Variants in ST8SIA1 observed in about 807,000 individuals in gnomAD.
The protein encoded by ST8SIA1 is alpha-N-acetylneuraminide alpha-2,8-sialyltransferase.
Under a neutral mutation model 35.9 loss-of-function variants are expected in ST8SIA1, and 16 were observed. The observed-to-expected ratio is 0.45, with a 90% CI of 0.30 to 0.68. The LOEUF (loss-of-function observed/expected upper bound fraction) is 0.68. Among genes scored for constraint, ST8SIA1 ranks in the 30% least tolerant of loss-of-function variants. The pLI, the probability that ST8SIA1 is intolerant of heterozygous loss-of-function variation, is 0.09. For missense variants in ST8SIA1, 383 were observed against 453.6 expected (o/e 0.84, Z 1.41); for synonymous variants, 170 against 169.6 (o/e 1.00, Z -0.02).
chr12:22,329,204 C>T (rs938442406), intron 1 of ST8SIA1, among the ~76,000 whole-genome samples: 9 of 152,098 alleles, frequency 5.9e-5, no homozygotes, highest in Non-Finnish European at 1.3e-4. Context: ...CCCAAATGAG[C>T]AGGGAACAAG....
intron 4 of ST8SIA1, among the ~76,000 whole-genome samples, chr12:22,238,693 T>C (rs1189846867): frequency 2.6e-5 from 4 of 152,216 alleles, no homozygotes; most frequent in Non-Finnish European, 4.4e-5. Context: ...TCCTAACTTA[T>C]GCAATGTCAT....
chr12:22,276,328 T>A (rs1005418663), intron 2 of ST8SIA1, among the ~76,000 whole-genome samples: 6 of 152,222 alleles, frequency 3.9e-5, no homozygotes. Flanking sequence ...TAACTAACTG[T>A]GTGAACACTC....
At chr12:22,274,881 C>T (rs1487804716) in intron 2 of ST8SIA1, among the ~76,000 whole-genome samples, 6 of 152,154 alleles carry the variant, frequency 3.9e-5, no homozygotes, top group Non-Finnish European at 8.8e-5. Context: ...CTATGTGCTG[C>T]CTTCAAAGGG....
At chr12:22,289,340 A>G (rs1866146808) in intron 1 of ST8SIA1, among the ~76,000 whole-genome samples, 1 of 152,146 alleles carries the variant, frequency 6.6e-6, no homozygotes, top group Admixed American at 6.5e-5. Context: ...CTGAGGAAAC[A>G]GGCTTAGAGC....
intron 1 of ST8SIA1, among the ~76,000 whole-genome samples, chr12:22,306,059 A>G (rs1355782735): frequency 6.6e-6 from 1 of 152,148 alleles, no homozygotes; most frequent in Non-Finnish European, 1.5e-5. Context: ...AGCAAGATGG[A>G]ATCAGTTAGG....
At chr12:22,320,853 GAAGAAAAA>G (rs1231229836) in intron 1 of ST8SIA1, among the ~76,000 whole-genome samples, 1 of 135,246 alleles carries the variant, frequency 7.4e-6, no homozygotes, top group Non-Finnish European at 1.6e-5. Flanking sequence ...AAGAGAGAGA[GAAGAAAAA>G]AAGAAAGAAA....
chr12:22,249,955 T>C (rs1865651010), intron 3 of ST8SIA1, among the ~76,000 whole-genome samples: 1 of 149,704 alleles, frequency 6.7e-6, no homozygotes. Context: ...ATGTCTGACT[T>C]GTGTGTGTGT....
At chr12:22,288,198 C>T (rs1055223642) in intron 1 of ST8SIA1, among the ~76,000 whole-genome samples, 2 of 152,198 alleles carry the variant, frequency 1.3e-5, no homozygotes, top group Non-Finnish European at 2.9e-5. Flanking sequence ...ACCACTTCCT[C>T]CTCTAGGAAG....
At chr12:22,216,321 C>A (rs1380586119) in intron 4 of ST8SIA1, among the ~76,000 whole-genome samples, 3 of 152,152 alleles carry the variant, frequency 2.0e-5, no homozygotes, top group African/African-American at 7.2e-5. Context: ...GATATAATCC[C>A]TGCCTACACC....
chr12:22,275,375 T>A (rs1013499298), intron 2 of ST8SIA1, among the ~76,000 whole-genome samples: 2 of 152,090 alleles, frequency 1.3e-5, no homozygotes, highest in African/African-American at 4.8e-5. Flanking sequence ...GCCAACATGG[T>A]GAAACCCCAT....
chr12:22,285,289 T>C (rs910632013), intron 2 of ST8SIA1, among the ~76,000 whole-genome samples: 2 of 152,242 alleles, frequency 1.3e-5, no homozygotes, highest in Non-Finnish European at 2.9e-5. Context: ...CAATGCCAAG[T>C]TGGGGCTTCC....
rs150065303 is a variant in ST8SIA1, at chr12:22,232,673, G to A, written c.584+16333C>T. 7.8e-4 allele frequency among the ~76,000 whole-genome samples: 118 copies of A among 152,010 alleles called. 1 individual carries two copies. Among genetic ancestry groups the A allele is most frequent in the African/African-American group, 2.7e-3 (110 of 41,490 alleles). On this transcript the variant is annotated intron_variant, in intron 4 of 4. Transcript: ENST00000396037. ...AAGCCCTGAGACTGGATAAAATCCT[G>A]TAGAAAGTGAATAAAATAGGCCGGA...
At chr12:22,330,002 C>T (rs1010467832) in intron 1 of ST8SIA1, among the ~76,000 whole-genome samples, 1 of 152,186 alleles carries the variant, frequency 6.6e-6, no homozygotes, top group Non-Finnish European at 1.5e-5. Flanking sequence ...CTCCTGGCTT[C>T]GTCCTACCAC....
intron 1 of ST8SIA1, among the ~76,000 whole-genome samples, chr12:22,297,936 C>T (rs1244681651): frequency 6.6e-6 from 1 of 152,102 alleles, no homozygotes; most frequent in Non-Finnish European, 1.5e-5. Context: ...CTTTAAGCTG[C>T]ATTCCCCAAA....
intron 4 of ST8SIA1, among the ~76,000 whole-genome samples, chr12:22,204,260 G>A (rs906807658): frequency 3.9e-5 from 6 of 152,072 alleles, no homozygotes; most frequent in South Asian, 2.1e-4. Context: ...CCCCTTCAAC[G>A]CTACTAAGGT....
chr12:22,261,639 T>TA (rs1440713831), intron 2 of ST8SIA1, among the ~76,000 whole-genome samples: 1 of 152,186 alleles, frequency 6.6e-6, no homozygotes, highest in African/African-American at 2.4e-5. Context: ...TTTCCGGACC[T>TA]AAAATGGCAT....
At chr12:22,331,188 G>C (rs1866759211) in intron 1 of ST8SIA1, among the ~76,000 whole-genome samples, 1 of 152,152 alleles carries the variant, frequency 6.6e-6, no homozygotes. Flanking sequence ...TATAAACATA[G>C]TGAAACACTC....
At chr12:22,210,461 C>A (rs1865164594) in intron 4 of ST8SIA1, among the ~76,000 whole-genome samples, 1 of 152,006 alleles carries the variant, frequency 6.6e-6, no homozygotes, top group Non-Finnish European at 1.5e-5. Flanking sequence ...GGTTTTTTCC[C>A]CCACACATCA....
intron 1 of ST8SIA1, among the ~76,000 whole-genome samples, chr12:22,329,166 G>C (rs1005935965): frequency 2.0e-5 from 3 of 152,214 alleles, no homozygotes; most frequent in African/African-American, 4.8e-5. Context: ...AATCATGAGA[G>C]AGATGTATAC....
Sources: gnomAD v4.1 joint callset for allele counts (sites outside exome capture counted in the v4.1 genomes callset) on GRCh38, gnomAD v4.1.1 for gene constraint, MANE v1.5 for transcripts, NCBI Gene and HGNC (gene_info 2026-07-23, HGNC 2026-07-21) for gene names.